Variants in GALNTL6 observed in about 807,000 individuals in gnomAD.
GALNTL6 encodes the protein polypeptide N-acetylgalactosaminyltransferase like 6.
In GALNTL6, 46 loss-of-function variants were observed where a neutral mutation model predicts 73.7. The observed-to-expected ratio is 0.62, with a 90% confidence interval of 0.49 to 0.80. The LOEUF (loss-of-function observed/expected upper bound fraction) is 0.80, where lower values mean the gene tolerates loss of function less well. Among genes scored for constraint, GALNTL6 ranks in the 30% least tolerant of loss-of-function variants. The pLI is 0.00. For synonymous variants in GALNTL6, 259 were observed against 263.7 expected (o/e 0.98, Z 0.17); for missense variants, 604 against 755.0 (o/e 0.80, Z 2.34).
chr4:172,749,887 T>C (rs1207454091), intron 5 of GALNTL6, among the ~76,000 whole-genome samples: 2 of 152,154 alleles, frequency 1.3e-5, no homozygotes, highest in African/African-American at 4.8e-5. Context: ...TTCCTTAGTA[T>C]GGTTTTGTTA....
At chr4:172,864,573 G>A (rs1471595530) in intron 7 of GALNTL6, among the ~76,000 whole-genome samples, 1 of 152,192 alleles carries the variant, frequency 6.6e-6, no homozygotes, top group Admixed American at 6.5e-5. Flanking sequence ...CCTTGGAGAA[G>A]CCATGATATC....
At chr4:172,865,250 C>A (rs867837120) in intron 7 of GALNTL6, among the ~76,000 whole-genome samples, 6 of 152,180 alleles carry the variant, frequency 3.9e-5, no homozygotes, top group Admixed American at 2.6e-4. Context: ...GGTCTAGTGA[C>A]CCATTCCGTA....
intron 5 of GALNTL6, among the ~76,000 whole-genome samples, chr4:172,515,365 C>T (rs970200964): frequency 1.3e-5 from 2 of 152,224 alleles, no homozygotes; most frequent in Admixed American, 6.5e-5. Flanking sequence ...ACTTGACCCA[C>T]CAGCCCACTG....
At chr4:171,836,647 G>A (rs141961777) in intron 2 of GALNTL6, among the ~76,000 whole-genome samples, 108 of 151,922 alleles carry the variant, frequency 7.1e-4, no homozygotes, top group Admixed American at 2.7e-3. Flanking sequence ...ATTTTGTTTC[G>A]TATCCCACAG....
chr4:172,110,969 T>A (rs978304126), intron 2 of GALNTL6, among the ~76,000 whole-genome samples: 4 of 151,878 alleles, frequency 2.6e-5, no homozygotes, highest in East Asian at 3.9e-4. Context: ...TAAAAAAAAA[T>A]TTTAGGAGTA....
At chr4:172,394,794 C>T (rs571229593) in intron 5 of GALNTL6, among the ~76,000 whole-genome samples, 1 of 152,204 alleles carries the variant, frequency 6.6e-6, no homozygotes, top group East Asian at 1.9e-4. Context: ...AGCATGCTGA[C>T]ACCCCTCCTG....
At chr4:172,703,533 G>A (rs572118465) in intron 5 of GALNTL6, among the ~76,000 whole-genome samples, 62 of 151,962 alleles carry the variant, frequency 4.1e-4, no homozygotes, top group African/African-American at 1.4e-3. Flanking sequence ...TTACATTCCT[G>A]GAATAAATTT....
intron 5 of GALNTL6, among the ~76,000 whole-genome samples, chr4:172,686,109 C>A (rs1306758074): frequency 6.6e-6 from 1 of 152,230 alleles, no homozygotes; most frequent in Admixed American, 6.5e-5. Flanking sequence ...GAGAGCAAAT[C>A]TGTCCTCCTC....
intron 5 of GALNTL6, among the ~76,000 whole-genome samples, chr4:172,423,816 T>C (rs927522729): frequency 6.6e-6 from 1 of 152,064 alleles, no homozygotes; most frequent in African/African-American, 2.4e-5. Flanking sequence ...GTTAAATGAA[T>C]GAATTAGGTA....
At chr4:172,149,511 T>G (rs1734013262) in intron 2 of GALNTL6, among the ~76,000 whole-genome samples, 1 of 152,026 alleles carries the variant, frequency 6.6e-6, no homozygotes, top group South Asian at 2.1e-4. Context: ...CACAATCCAC[T>G]CCAGTATGCC....
chr4:171,982,583 C>T (rs1270292618), intron 2 of GALNTL6, among the ~76,000 whole-genome samples: 1 of 152,188 alleles, frequency 6.6e-6, no homozygotes, highest in Non-Finnish European at 1.5e-5. Flanking sequence ...CAAGCATGAG[C>T]CACCGCGCCC....
At chr4:172,949,217 G>A (rs1365966785) in intron 9 of GALNTL6, among the ~76,000 whole-genome samples, 5 of 152,122 alleles carry the variant, frequency 3.3e-5, no homozygotes, top group Admixed American at 6.5e-5. Flanking sequence ...GAGCACACAC[G>A]TTTCTGGAAC....
chr4:172,681,614 T>C (rs959570771), intron 5 of GALNTL6, among the ~76,000 whole-genome samples: 5 of 152,228 alleles, frequency 3.3e-5, no homozygotes, highest in African/African-American at 1.2e-4. Context: ...TGTAACTTAA[T>C]ATGATTCCTT....
intron 5 of GALNTL6, chr4:172,545,783 T>C (rs1735724064): frequency 6.6e-6 from 1 of 152,214 alleles, no homozygotes; most frequent in Non-Finnish European, 1.5e-5. Flanking sequence ...TTATTAACTA[T>C]GACAGATGTA....
intron 2 of GALNTL6, among the ~76,000 whole-genome samples, chr4:171,885,928 A>C (rs962555515): frequency 3.9e-5 from 6 of 152,206 alleles, no homozygotes; most frequent in Non-Finnish European, 8.8e-5. Flanking sequence ...CATATAACAT[A>C]TTGTAGAAAC....
At chr4:172,201,608 A>G (rs1735958909) in intron 2 of GALNTL6, among the ~76,000 whole-genome samples, 1 of 152,052 alleles carries the variant, frequency 6.6e-6, no homozygotes, top group South Asian at 2.1e-4. Flanking sequence ...AAACACAGAT[A>G]AACTGTTTAA....
At chr4:172,979,318 T>G (rs1433340639) in intron 10 of GALNTL6, among the ~76,000 whole-genome samples, 2 of 152,202 alleles carry the variant, frequency 1.3e-5, no homozygotes, top group East Asian at 3.8e-4. Context: ...AAAGTAAAAG[T>G]GACCAAATAT....
chr4:172,881,727 TC>T (rs1464331923), intron 7 of GALNTL6, among the ~76,000 whole-genome samples: 7 of 152,212 alleles, frequency 4.6e-5, no homozygotes, highest in Admixed American at 4.6e-4. Flanking sequence ...AACTGTCACT[TC>T]AGTTATGTGT....
rs564133562 is a variant in GALNTL6 at position 172,054,604 on chromosome 4, A to G, written c.139-175052A>G. ...AAGGGCCTCTTTTATAAGGGTATTAATCTTGTTCACAAGAACTCCACCCTC... is the reference window on the plus strand; with the variant it reads ...AAGGGCCTCTTTTATAAGGGTATTAGTCTTGTTCACAAGAACTCCACCCTC... On this transcript the variant is annotated intron_variant, in intron 2 of 12. Transcript: ENST00000506823. Among the ~76,000 whole-genome samples the G allele has an allele frequency of 4.6e-5, 7 of 152,250 alleles. No individual in the cohort carries two copies. The South Asian group carries it at 1.2e-3, about 27-fold the overall frequency.
Sources: gnomAD v4.1 joint callset for allele counts (sites outside exome capture counted in the v4.1 genomes callset) on GRCh38, gnomAD v4.1.1 for gene constraint, MANE v1.5 for transcripts, NCBI Gene and HGNC (gene_info 2026-07-23, HGNC 2026-07-21) for gene names.